The following COMMD10 variants were observed in gnomAD, a reference collection of about 807,000 sequenced individuals.
COMMD10 encodes the protein COMM domain-containing protein 10.
Under a neutral mutation model 28.9 loss-of-function variants are expected in COMMD10, and 33 were observed. The ratio of observed to expected loss-of-function variants is 1.14; its 90% CI spans 0.87 to 1.53. COMMD10 has a LOEUF of 1.53. Ranked by LOEUF, COMMD10 falls within the 40% of genes most tolerant of loss-of-function variation. The pLI is 0.00. For missense variants in COMMD10, 310 were observed against 233.4 expected (o/e 1.33, Z -2.14); for synonymous variants, 110 against 81.7 (o/e 1.35, Z -1.87).
At chr5:116,194,035 C>G (rs1319311402) in intron 5 of COMMD10, among the ~76,000 whole-genome samples, 1 of 152,114 alleles carries the variant, frequency 6.6e-6, no homozygotes, top group African/African-American at 2.4e-5. Flanking sequence ...CATGCAAATA[C>G]ATGGAAATTA....
intron 5 of COMMD10, among the ~76,000 whole-genome samples, chr5:116,227,516 C>G (rs1185620431): frequency 6.6e-6 from 1 of 151,996 alleles, no homozygotes; most frequent in Non-Finnish European, 1.5e-5. Context: ...AAATAGTACT[C>G]TGCTTCAAAT....
chr5:116,176,662 C>G (rs1054475126), intron 5 of COMMD10, among the ~76,000 whole-genome samples: 1 of 151,996 alleles, frequency 6.6e-6, no homozygotes, highest in African/African-American at 2.4e-5. Flanking sequence ...TAAGGTTGTA[C>G]TCTTAATGGG....
In COMMD10 at chr5:116,123,297, G is replaced by A. The variant is rs548550292; in HGVS notation, c.400-10771G>A. ...GCATGAAGGGCTGTTGAATTTTGTC[G>A]AAGGCCTTTCCTGCATCTACTGAGA... On this transcript the variant is annotated intron_variant, in intron 4 of 6. Coordinates refer to ENST00000274458, the MANE Select transcript of COMMD10 (RefSeq NM_016144.4). Among the ~76,000 whole-genome samples, 237 of 152,004 alleles carry A rather than the reference G, an allele frequency of 1.6e-3. 2 individuals carry two copies. The highest frequency in any genetic ancestry group is 5.3e-3 in the African/African-American group (220 of 41,478).
intron 4 of COMMD10, among the ~76,000 whole-genome samples, chr5:116,113,515 G>T (rs1158380060): frequency 6.6e-6 from 1 of 151,742 alleles, no homozygotes; most frequent in Admixed American, 6.6e-5. Flanking sequence ...ATTTTTATCA[G>T]ACTGCACTGT....
intron 5 of COMMD10, among the ~76,000 whole-genome samples, chr5:116,254,249 T>C (rs1172909701): frequency 5.3e-5 from 8 of 152,044 alleles, no homozygotes; most frequent in African/African-American, 9.7e-5. Context: ...AAAAAACCAG[T>C]TCCTGGATTC....
At chr5:116,274,135 G>C (rs1010876349) in intron 5 of COMMD10, among the ~76,000 whole-genome samples, 2 of 151,712 alleles carry the variant, frequency 1.3e-5, no homozygotes, top group Non-Finnish European at 2.9e-5. Context: ...ACCTTGAGAT[G>C]CACTTACACT....
At chr5:116,127,757 C>G (rs981155014) in intron 4 of COMMD10, among the ~76,000 whole-genome samples, 2 of 152,070 alleles carry the variant, frequency 1.3e-5, no homozygotes, top group Non-Finnish European at 2.9e-5. Context: ...TGGAGAACAT[C>G]ACACACTGGG....
chr5:116,105,040 T>C (rs1460757803), intron 4 of COMMD10, among the ~76,000 whole-genome samples: 1 of 152,252 alleles, frequency 6.6e-6, no homozygotes, highest in Non-Finnish European at 1.5e-5. Flanking sequence ...GTGCTGGTTT[T>C]CAAAGGGAAT....
intron 5 of COMMD10, among the ~76,000 whole-genome samples, chr5:116,148,413 T>TAA (rs1450556919): frequency 3.3e-5 from 5 of 151,882 alleles, no homozygotes; most frequent in African/African-American, 1.2e-4. Flanking sequence ...CTTTCAGACA[T>TAA]AAAGAAGTTC....
intron 5 of COMMD10, among the ~76,000 whole-genome samples, chr5:116,155,165 TA>T (rs1324797211): frequency 1.3e-5 from 2 of 152,276 alleles, no homozygotes; most frequent in East Asian, 3.9e-4. Flanking sequence ...CTCTAGGGCT[TA>T]CACTTTTTCA....
intron 5 of COMMD10, among the ~76,000 whole-genome samples, chr5:116,141,123 C>T (rs1372572593): frequency 6.6e-6 from 1 of 151,212 alleles, no homozygotes; most frequent in Non-Finnish European, 1.5e-5. Context: ...GTGTAAAGGT[C>T]CAATTTCATT....
intron 4 of COMMD10, among the ~76,000 whole-genome samples, chr5:116,120,749 CT>C (rs34397720): frequency 0.81 from 119,528 of 146,728 alleles, 48,690 homozygotes; most frequent in African/African-American, 0.83. Context: ...TGTATTAGTA[CT>C]TTTTTTTTTT....
At chr5:116,215,969 T>C (rs1407514266) in intron 5 of COMMD10, among the ~76,000 whole-genome samples, 1 of 151,914 alleles carries the variant, frequency 6.6e-6, no homozygotes, top group African/African-American at 2.4e-5. Context: ...GAGGTCAAAA[T>C]AGAAAAGCTA....
chr5:116,157,995 G>A (rs1752774769), intron 5 of COMMD10, among the ~76,000 whole-genome samples: 1 of 151,540 alleles, frequency 6.6e-6, no homozygotes, highest in South Asian at 2.1e-4. Context: ...AAGGGAAGGG[G>A]AGGTGTGCCT....
intron 5 of COMMD10, among the ~76,000 whole-genome samples, chr5:116,194,310 A>G (rs1748450372): frequency 6.6e-6 from 1 of 152,176 alleles, no homozygotes; most frequent in Non-Finnish European, 1.5e-5. Context: ...AAGAAAGGAA[A>G]TAACCAAGAT....
Position 116,093,899 on chromosome 5 carries a change from A to G in COMMD10, c.399+1199A>G, listed in dbSNP as rs183446052. 1.7e-3 allele frequency among the ~76,000 whole-genome samples: 263 copies of G among 152,328 alleles called. 1 individual carries two copies. Among genetic ancestry groups the G allele is most frequent in the African/African-American group, 6.0e-3 (248 of 41,570 alleles). Reference sequence around the variant, plus strand: ...TATTTATAGCCAACTGATTTATTACAAAGTTGCCAAGAGCATACAACTGGG... The same window carrying G: ...TATTTATAGCCAACTGATTTATTACGAAGTTGCCAAGAGCATACAACTGGG... On this transcript the variant is annotated intron_variant, in intron 4 of 6. Coordinates refer to ENST00000274458, the MANE Select transcript of COMMD10 (RefSeq NM_016144.4).
Position 116,276,621 on chromosome 5 carries a change from A to T in COMMD10, c.511-14896A>T, listed in dbSNP as rs964867750. 7.2e-5 allele frequency among the ~76,000 whole-genome samples: 11 copies of T among 151,862 alleles called. 1 individual carries two copies. The highest frequency in any genetic ancestry group is 2.7e-4 in the African/African-American group (11 of 41,180). Reference sequence around the variant, plus strand: ...TTTTTGTGTCATACATGATTTTTTTATTCTAAATTTTAAAATCTAACCTTA... The same window carrying T: ...TTTTTGTGTCATACATGATTTTTTTTTTCTAAATTTTAAAATCTAACCTTA... On this transcript the variant is annotated intron_variant, in intron 5 of 6. Coordinates refer to ENST00000274458, the MANE Select transcript of COMMD10 (RefSeq NM_016144.4).
chr5:116,171,439 A>G (rs752508039), intron 5 of COMMD10, among the ~76,000 whole-genome samples: 1 of 152,200 alleles, frequency 6.6e-6, no homozygotes, highest in Non-Finnish European at 1.5e-5. Context: ...AGGGATCTAG[A>G]ACCAGAAATA....
intron 5 of COMMD10, among the ~76,000 whole-genome samples, chr5:116,156,248 A>G (rs1047259019): frequency 2.0e-5 from 3 of 152,156 alleles, no homozygotes; most frequent in Non-Finnish European, 4.4e-5. Context: ...TAAAAACAGT[A>G]CAGGGTTTGT....
Sources: gnomAD v4.1 joint callset for allele counts (sites outside exome capture counted in the v4.1 genomes callset) on GRCh38, gnomAD v4.1.1 for gene constraint, MANE v1.5 for transcripts, NCBI Gene and HGNC (gene_info 2026-07-23, HGNC 2026-07-21) for gene names.